The following HYCC1 variants were observed in gnomAD, a reference collection of about 807,000 sequenced individuals.
HYCC1 encodes hyccin.
chr7:22,917,841 T>C, the HYCC1 span, among the ~76,000 whole-genome samples: 4 of 152,218 alleles, frequency 2.6e-5, no homozygotes, highest in Admixed American at 6.5e-5. Context: ...TTCACCCTGA[T>C]AAAGTCTTAT....
chr7:22,899,432 T>C, the HYCC1 span, among the ~76,000 whole-genome samples: 1 of 152,180 alleles, frequency 6.6e-6, no homozygotes, highest in African/African-American at 2.4e-5. Flanking sequence ...TTAATGTATG[T>C]ATGTATTAAT....
the HYCC1 span, chr7:22,978,470 A>C: frequency 4.4e-6 from 7 of 1,602,214 alleles, no homozygotes; most frequent in Admixed American, 1.0e-4. Flanking sequence ...ACAAAATGTT[A>C]ATTCAAGAAC....
At chr7:22,973,429 T>C in the HYCC1 span, among the ~76,000 whole-genome samples, 1 of 152,154 alleles carries the variant, frequency 6.6e-6, no homozygotes, top group Admixed American at 6.5e-5. Flanking sequence ...ATACAGTCAA[T>C]AGGGAATCTA....
the HYCC1 span, among the ~76,000 whole-genome samples, chr7:22,952,074 T>C: frequency 6.6e-6 from 1 of 152,012 alleles, no homozygotes; most frequent in Non-Finnish European, 1.5e-5. Context: ...CTGAAATTTG[T>C]TGAGCACCTA....
chr7:22,906,963 G>A, the HYCC1 span, among the ~76,000 whole-genome samples: 1 of 151,616 alleles, frequency 6.6e-6, no homozygotes, highest in Admixed American at 6.6e-5. Context: ...AAATTAGCTG[G>A]GCATGGGGGC....
chr7:22,941,787 T>C, the HYCC1 span: 1 of 152,188 alleles, frequency 6.6e-6, no homozygotes, highest in Non-Finnish European at 1.5e-5. Context: ...GTACTGAGTA[T>C]AATTTTACTA....
At chr7:22,952,055 TGC>T in the HYCC1 span, among the ~76,000 whole-genome samples, 1 of 152,016 alleles carries the variant, frequency 6.6e-6, no homozygotes, top group Non-Finnish European at 1.5e-5. Flanking sequence ...CACTTATTCA[TGC>T]ATTCAACTGA....
At chr7:22,978,356 T>C in the HYCC1 span, 1 of 1,614,064 alleles carries the variant, frequency 6.2e-7, no homozygotes, top group Non-Finnish European at 8.5e-7. Context: ...AGCACCAAAT[T>C]AGTTCTGGGA....
chr7:22,988,995 TAAAC>T, the HYCC1 span, among the ~76,000 whole-genome samples: 3 of 152,030 alleles, frequency 2.0e-5, no homozygotes, highest in African/African-American at 7.2e-5. Flanking sequence ...GGGAAGGGAA[TAAAC>T]AAACAGATGG....
chr7:22,931,475 A>C, the HYCC1 span, among the ~76,000 whole-genome samples: 5 of 152,162 alleles, frequency 3.3e-5, no homozygotes, highest in African/African-American at 1.2e-4. Flanking sequence ...CTGCCATAAC[A>C]AATATCTGAA....
the HYCC1 span, chr7:22,939,691 T>C: frequency 6.6e-6 from 1 of 152,168 alleles, no homozygotes; most frequent in Admixed American, 6.5e-5. Flanking sequence ...TAGTATCTTC[T>C]TTTACCAAGC....
chr7:22,921,757 C>T, the HYCC1 span, among the ~76,000 whole-genome samples: 4 of 151,990 alleles, frequency 2.6e-5, no homozygotes, highest in Admixed American at 6.6e-5. Flanking sequence ...CCTTGCAGAA[C>T]CTGCATATAC....
chr7:22,967,264 G>T, the HYCC1 span, among the ~76,000 whole-genome samples: 2 of 152,198 alleles, frequency 1.3e-5, no homozygotes, highest in Admixed American at 1.3e-4. Context: ...GGTAAACTCA[G>T]GTAGAAGAAG....
chr7:22,946,859 T>C, the HYCC1 span: 3 of 956,962 alleles, frequency 3.1e-6, no homozygotes, highest in Non-Finnish European at 4.6e-6. Flanking sequence ...ATGTGGTGCA[T>C]AATTCATGCA....
chr7:23,008,457 G>A, the HYCC1 span, among the ~76,000 whole-genome samples: 8 of 151,978 alleles, frequency 5.3e-5, no homozygotes, highest in East Asian at 1.9e-4. Context: ...TATTAATAGA[G>A]ATAGTACAAC....
the HYCC1 span, among the ~76,000 whole-genome samples, chr7:22,984,235 G>T: frequency 1.3e-5 from 2 of 152,018 alleles, no homozygotes; most frequent in African/African-American, 4.8e-5. Flanking sequence ...GGCATTGGTT[G>T]TACAACACTG....
the HYCC1 span, among the ~76,000 whole-genome samples, chr7:22,911,267 G>A: frequency 5.9e-5 from 9 of 152,250 alleles, no homozygotes; most frequent in Admixed American, 2.0e-4. Context: ...GGCTGGTTTT[G>A]TTTTGGCTCA....
At chr7:22,947,112 T>C in the HYCC1 span, 3 of 1,550,510 alleles carry the variant, frequency 1.9e-6, no homozygotes, top group South Asian at 1.2e-5. Flanking sequence ...ACCCTGTATA[T>C]GCTGAGCATC....
At chr7:22,933,904 C>T in the HYCC1 span, among the ~76,000 whole-genome samples, 1 of 152,096 alleles carries the variant, frequency 6.6e-6, no homozygotes, top group African/African-American at 2.4e-5. Context: ...AGATATGATA[C>T]ATTTTATAGT....
Sources: gnomAD v4.1 joint callset for allele counts (sites outside exome capture counted in the v4.1 genomes callset) on GRCh38, gnomAD v4.1.1 for gene constraint, MANE v1.5 for transcripts, NCBI Gene and HGNC (gene_info 2026-07-23, HGNC 2026-07-21) for gene names.